Variants in DLG2 observed in about 807,000 individuals in gnomAD.
DLG2 encodes discs large MAGUK scaffold protein 2, also known as disks large homolog 2.
A neutral mutation model predicts 132.5 loss-of-function variants in DLG2; 45 were observed. The ratio of observed to expected loss-of-function variants is 0.34; its 90% CI spans 0.27 to 0.44. The LOEUF is 0.44. Among genes scored for constraint, DLG2 ranks in the 20% least tolerant of loss-of-function variants. The pLI is 1.00. For synonymous variants in DLG2, 424 were observed against 419.6 expected (o/e 1.01, Z -0.13); for missense variants, 1,045 against 1,196.9 (o/e 0.87, Z 1.87).
intron 3 of DLG2, among the ~76,000 whole-genome samples, chr11:85,387,806 GA>G (rs1211737147): frequency 6.6e-6 from 1 of 152,132 alleles, no homozygotes; most frequent in South Asian, 2.1e-4. Context: ...ATCTAGAGGG[GA>G]AAAAATGGCA....
chr11:84,625,163 G>A (rs1359125528), intron 6 of DLG2, among the ~76,000 whole-genome samples: 1 of 151,994 alleles, frequency 6.6e-6, no homozygotes, highest in African/African-American at 2.4e-5. Context: ...CCCGGCCCGA[G>A]AGTCAACCTT....
At chr11:85,254,990 C>T (rs1043656743) in intron 4 of DLG2, among the ~76,000 whole-genome samples, 2 of 146,612 alleles carry the variant, frequency 1.4e-5, no homozygotes, top group African/African-American at 5.1e-5. Context: ...CAGAGCAAGA[C>T]TCCATCTCAA....
intron 7 of DLG2, among the ~76,000 whole-genome samples, chr11:84,428,298 T>C (rs2098973409): frequency 6.6e-6 from 1 of 152,224 alleles, no homozygotes; most frequent in South Asian, 2.1e-4. Flanking sequence ...ACACTATTTC[T>C]ACCCGGTGTT....
Position 85,333,673 on chromosome 11 carries a change from C to G in DLG2, c.41-48308G>C, listed in dbSNP as rs149609516. Among the ~76,000 whole-genome samples, 53 of 152,252 alleles carry G rather than the reference C, an allele frequency of 3.5e-4. No individual in the cohort carries two copies. In the East Asian group the frequency reaches 9.3e-3, roughly 27 times the overall value. On this transcript the variant is annotated intron_variant, in intron 3 of 27. Coordinates refer to ENST00000376104, the MANE Select transcript of DLG2 (RefSeq NM_001142699.3). ...ATTTTATCGAAAGCTTTTTCTGAATCTGGTGAGATGCTCATGTGGTTTTTG... is the reference window on the plus strand; with the variant it reads ...ATTTTATCGAAAGCTTTTTCTGAATGTGGTGAGATGCTCATGTGGTTTTTG...
rs1416793579 is a variant in DLG2 at position 85,609,194 on chromosome 11, A to G, written c.-92-10406T>C. Among the ~76,000 whole-genome samples the G allele has an allele frequency of 3.3e-5, 5 of 152,294 alleles. No homozygotes were observed. In the South Asian group the frequency reaches 1.0e-3, roughly 32 times the overall value. ...TCTGCCTTCCTCAAGTGGCTACGGGAGGCCTTAAGAAAATATACTCCCCTG... is the reference window on the plus strand; with the variant it reads ...TCTGCCTTCCTCAAGTGGCTACGGGGGGCCTTAAGAAAATATACTCCCCTG... On this transcript the variant is annotated intron_variant, in intron 2 of 27. Transcript: ENST00000376104.
chr11:85,094,670 T>C (rs1002897045), intron 6 of DLG2, among the ~76,000 whole-genome samples: 1 of 152,248 alleles, frequency 6.6e-6, no homozygotes, highest in African/African-American at 2.4e-5. Flanking sequence ...GATTAGGCTT[T>C]GGTTTAAGGG....
At chr11:83,598,760 T>C (rs2058047146) in intron 19 of DLG2, among the ~76,000 whole-genome samples, 2 of 152,242 alleles carry the variant, frequency 1.3e-5, no homozygotes, top group Admixed American at 6.5e-5. Flanking sequence ...GATGTTACGC[T>C]TCACTGCTTT....
intron 9 of DLG2, among the ~76,000 whole-genome samples, chr11:84,120,411 A>C (rs61897633): frequency 1.3e-5 from 2 of 152,222 alleles, no homozygotes; most frequent in South Asian, 2.1e-4. Flanking sequence ...GAATTATATT[A>C]AAGGGGATAC....
intron 6 of DLG2, among the ~76,000 whole-genome samples, chr11:84,938,622 C>T (rs191737735): frequency 8.4e-4 from 128 of 152,240 alleles, no homozygotes; most frequent in African/African-American, 3.0e-3. Context: ...AACCAGAATG[C>T]AATTAGAATT....
At chr11:84,569,461 A>G (rs2099471804) in intron 6 of DLG2, among the ~76,000 whole-genome samples, 1 of 152,240 alleles carries the variant, frequency 6.6e-6, no homozygotes, top group Non-Finnish European at 1.5e-5. Flanking sequence ...AGTGAACAAT[A>G]AGATTATATG....
intron 3 of DLG2, among the ~76,000 whole-genome samples, chr11:85,351,495 C>T (rs2083283895): frequency 6.6e-6 from 1 of 152,144 alleles, no homozygotes; most frequent in African/African-American, 2.4e-5. Context: ...TGCCAGTTTT[C>T]AAAGGGAATG....
intron 3 of DLG2, among the ~76,000 whole-genome samples, chr11:85,421,248 C>T (rs900380012): frequency 6.6e-6 from 1 of 151,980 alleles, no homozygotes; most frequent in Non-Finnish European, 1.5e-5. Context: ...CATTTCCCTG[C>T]TTCAGCTTGT....
At chr11:85,393,870 G>T (rs1436274155) in intron 3 of DLG2, among the ~76,000 whole-genome samples, 1 of 152,052 alleles carries the variant, frequency 6.6e-6, no homozygotes, top group Non-Finnish European at 1.5e-5. Context: ...GGATGCAAAG[G>T]CATAAAAGTG....
chr11:83,974,957 A>AT (rs1473298755), intron 12 of DLG2, among the ~76,000 whole-genome samples: 10 of 152,116 alleles, frequency 6.6e-5, no homozygotes, highest in African/African-American at 2.2e-4. Flanking sequence ...CTCACTGACA[A>AT]TTTTTTCTTC....
At chr11:85,456,940 A>C (rs565402905) in intron 3 of DLG2, among the ~76,000 whole-genome samples, 62 of 152,226 alleles carry the variant, frequency 4.1e-4, no homozygotes, top group African/African-American at 1.5e-3. Context: ...GCAGGGTTTT[A>C]TTAGGCCCAT....
chr11:83,884,755 G>A (rs1345425057), intron 15 of DLG2, among the ~76,000 whole-genome samples: 1 of 152,166 alleles, frequency 6.6e-6, no homozygotes, highest in East Asian at 1.9e-4. Context: ...AAAACTTCCA[G>A]AGGAACGATC....
chr11:83,748,567 A>G (rs2093079507), intron 18 of DLG2, among the ~76,000 whole-genome samples: 1 of 152,224 alleles, frequency 6.6e-6, no homozygotes, highest in East Asian at 1.9e-4. Context: ...TGACAATCAC[A>G]GGGATATGTC....
chr11:84,007,031 G>A (rs923966736), intron 11 of DLG2, among the ~76,000 whole-genome samples: 1 of 151,730 alleles, frequency 6.6e-6, no homozygotes, highest in East Asian at 1.9e-4. Context: ...GGCATTATTA[G>A]TAGAAGCTAA....
rs536945648 is a variant in DLG2 at position 83,610,394 on chromosome 11, G to A, written c.1940+22817C>T. 3.9e-5 allele frequency among the ~76,000 whole-genome samples: 6 copies of A among 152,256 alleles called. No individual in the cohort carries two copies. The South Asian group carries it at 8.3e-4, about 21-fold the overall frequency. On this transcript the variant is annotated intron_variant, in intron 19 of 27. Coordinates refer to ENST00000376104, the MANE Select transcript of DLG2 (RefSeq NM_001142699.3). ...TCAGTGTGGGAAAAAGGAATGTTTC[G>A]ACTTGTGAGACATGATTGAAAACAG...
Sources: gnomAD v4.1 joint callset for allele counts (sites outside exome capture counted in the v4.1 genomes callset) on GRCh38, gnomAD v4.1.1 for gene constraint, MANE v1.5 for transcripts, NCBI Gene and HGNC (gene_info 2026-07-23, HGNC 2026-07-21) for gene names.